Variants in GRIN2A observed in about 807,000 individuals in gnomAD.
GRIN2A encodes glutamate ionotropic receptor NMDA type subunit 2A.
In GRIN2A, 22 loss-of-function variants were observed where a neutral mutation model predicts 113.4. That is an observed-to-expected ratio of 0.19 (90% CI 0.14 to 0.28). The LOEUF (loss-of-function observed/expected upper bound fraction) is 0.28, where lower values mean the gene tolerates loss of function less well. Ranked by LOEUF, GRIN2A falls within the 10% of genes least tolerant of loss-of-function variation. The probability of loss-of-function intolerance (pLI) is 1.00; values close to 1 mark genes in which losing one functional copy is unlikely to be tolerated. For missense variants in GRIN2A, 1,502 were observed against 1,887.0 expected (o/e 0.80, Z 3.78); for synonymous variants, 827 against 738.4 (o/e 1.12, Z -1.94).
At chr16:10,040,589 C>A (rs79293028) in intron 2 of GRIN2A, among the ~76,000 whole-genome samples, 2 of 141,844 alleles carry the variant, frequency 1.4e-5, no homozygotes, top group Admixed American at 1.4e-4. Context: ...CACACACACA[C>A]AAAACACACA....
chr16:9,964,015 T>C (rs1477065233), intron 2 of GRIN2A, among the ~76,000 whole-genome samples: 1 of 152,204 alleles, frequency 6.6e-6, no homozygotes, highest in Non-Finnish European at 1.5e-5. Context: ...ATAGGGCATG[T>C]GGTGTCTTGA....
chr16:9,807,231 G>C (rs562898457), intron 10 of GRIN2A, among the ~76,000 whole-genome samples: 1 of 82,110 alleles, frequency 1.2e-5, no homozygotes, highest in South Asian at 5.6e-4. Context: ...GGGAAAAAGT[G>C]GGGGGAGAGA....
rs146199312 is a variant in GRIN2A, at chr16:9,763,012, CCAA to C, written c.*134_*136del. ...TGGCATGAAGCCGTGTGCAAAAGAG[CCAA>C]CAACAACAACAACAAAATACCTCCC... is the stretch of plus-strand genomic sequence containing the variant. On this transcript the variant is annotated 3_prime_UTR_variant, in exon 13 of 13. Transcript: ENST00000330684. 622 of 846,330 alleles carry C rather than the reference CCAA, an allele frequency of 7.3e-4. No individual in the cohort carries two copies. The highest frequency in any genetic ancestry group is 3.8e-3 in the African/African-American group (224 of 59,572). The allele number at this position is 846,330 out of a possible 1,614,324, so 52.4% of individuals were successfully genotyped here.
intron 10 of GRIN2A, among the ~76,000 whole-genome samples, chr16:9,820,188 C>G (rs2042255655): frequency 6.6e-6 from 1 of 152,122 alleles, no homozygotes; most frequent in Non-Finnish European, 1.5e-5. Context: ...GAAAACAACC[C>G]ATTTTGTGCT....
chr16:9,897,433 G>A (rs139808153), intron 3 of GRIN2A, among the ~76,000 whole-genome samples: 2 of 151,942 alleles, frequency 1.3e-5, no homozygotes, highest in South Asian at 2.1e-4. Flanking sequence ...GAATATAAAC[G>A]GGGCCAGAAT....
At chr16:9,928,211 G>A (rs1016468122) in intron 3 of GRIN2A, among the ~76,000 whole-genome samples, 5 of 152,208 alleles carry the variant, frequency 3.3e-5, no homozygotes, top group Non-Finnish European at 7.3e-5. Flanking sequence ...GAAGCAAGAG[G>A]TGAGAGAAGC....
At chr16:10,046,960 G>A (rs1167649044) in intron 2 of GRIN2A, among the ~76,000 whole-genome samples, 1 of 152,132 alleles carries the variant, frequency 6.6e-6, no homozygotes, top group African/African-American at 2.4e-5. Context: ...GGTTAATTCT[G>A]TGTGGAAGGA....
intron 2 of GRIN2A, among the ~76,000 whole-genome samples, chr16:10,085,569 G>T (rs1188037384): frequency 6.6e-6 from 1 of 152,166 alleles, no homozygotes; most frequent in African/African-American, 2.4e-5. Context: ...TTCTGGGTGT[G>T]CAAATCTTAT....
At chr16:9,954,279 G>A (rs936447286) in intron 2 of GRIN2A, among the ~76,000 whole-genome samples, 1 of 152,134 alleles carries the variant, frequency 6.6e-6, no homozygotes, top group Non-Finnish European at 1.5e-5. Context: ...CAGAGAAAAC[G>A]TAAAATCTAA....
intron 3 of GRIN2A, among the ~76,000 whole-genome samples, chr16:9,902,544 T>TA (rs1567165970): frequency 6.6e-6 from 1 of 152,212 alleles, no homozygotes; most frequent in Non-Finnish European, 1.5e-5. Flanking sequence ...TTCTGCCATT[T>TA]AAAAAAATAA....
intron 2 of GRIN2A, among the ~76,000 whole-genome samples, chr16:10,034,924 C>T (rs1314341598): frequency 2.0e-5 from 3 of 152,226 alleles, no homozygotes; most frequent in African/African-American, 4.8e-5. Flanking sequence ...CTTTAGCCTA[C>T]AGTAATCTTT....
chr16:9,955,190 C>A (rs1167590101), intron 2 of GRIN2A, among the ~76,000 whole-genome samples: 6 of 152,188 alleles, frequency 3.9e-5, no homozygotes, highest in Non-Finnish European at 8.8e-5. Context: ...TACCACAAAT[C>A]ACCACATGGC....
intron 2 of GRIN2A, among the ~76,000 whole-genome samples, chr16:9,942,339 T>A (rs979479081): frequency 3.9e-5 from 6 of 152,148 alleles, no homozygotes; most frequent in African/African-American, 1.4e-4. Context: ...TAGGGTCTAT[T>A]GAACCTAAAT....
At chr16:10,122,136 C>A (rs2048848291) in intron 2 of GRIN2A, among the ~76,000 whole-genome samples, 1 of 152,110 alleles carries the variant, frequency 6.6e-6, no homozygotes, top group African/African-American at 2.4e-5. Context: ...GGTTATTTTT[C>A]CAGCTGCACC....
intron 2 of GRIN2A, among the ~76,000 whole-genome samples, chr16:10,146,022 G>A (rs929968105): frequency 6.6e-6 from 1 of 152,216 alleles, no homozygotes; most frequent in African/African-American, 2.4e-5. Context: ...CTTACTCAGA[G>A]ACAGCTATAG....
At chr16:9,831,876 C>T (rs184503109) in intron 8 of GRIN2A, among the ~76,000 whole-genome samples, 1 of 151,890 alleles carries the variant, frequency 6.6e-6, no homozygotes, top group African/African-American at 2.4e-5. Flanking sequence ...GCCTATCTCT[C>T]TGATTTCATC....
At chr16:9,924,558 G>C (rs557124537) in intron 3 of GRIN2A, among the ~76,000 whole-genome samples, 1 of 152,084 alleles carries the variant, frequency 6.6e-6, no homozygotes, top group African/African-American at 2.4e-5. Flanking sequence ...TCATTCTCAG[G>C]ATTTAAGTTT....
At chr16:10,064,680 C>G (rs896899424) in intron 2 of GRIN2A, among the ~76,000 whole-genome samples, 1 of 152,194 alleles carries the variant, frequency 6.6e-6, no homozygotes, top group African/African-American at 2.4e-5. Context: ...GTTCAATAGA[C>G]CCTGCTACTA....
intron 5 of GRIN2A, among the ~76,000 whole-genome samples, chr16:9,847,572 A>G (rs2042794753): frequency 6.6e-6 from 1 of 151,708 alleles, no homozygotes; most frequent in African/African-American, 2.4e-5. Context: ...CATTATATAA[A>G]AAAAATTAAT....
Sources: gnomAD v4.1 joint callset for allele counts (sites outside exome capture counted in the v4.1 genomes callset) on GRCh38, gnomAD v4.1.1 for gene constraint, MANE v1.5 for transcripts, NCBI Gene and HGNC (gene_info 2026-07-23, HGNC 2026-07-21) for gene names.